KDM4C: variants seen among roughly 807,000 people sequenced by gnomAD.
KDM4C encodes lysine-specific demethylase 4C.
Under a neutral mutation model 129.3 loss-of-function variants are expected in KDM4C, and 81 were observed. That is an observed-to-expected ratio of 0.63 (90% CI 0.52 to 0.75). The LOEUF is 0.75. KDM4C is among the 30% of genes least tolerant of loss of function. The pLI is 0.00. For missense variants in KDM4C, 1,457 were observed against 1,304.0 expected (o/e 1.12, Z -1.81); for synonymous variants, 573 against 456.1 (o/e 1.26, Z -3.26).
At position 7,014,015 on chromosome 9, in the gene KDM4C, TAATTCATC is replaced by T; in HGVS notation, c.2182+18_2182+25del. ...GGGTTCATGCAAGTAAATGGATCTATAATTCATCAATCACTGGCTTTTCAGCATTTCAC... is the reference window on the plus strand; with the variant it reads ...GGGTTCATGCAAGTAAATGGATCTATAATCACTGGCTTTTCAGCATTTCAC... On this transcript the variant is annotated intron_variant, in intron 14 of 21. Transcript: ENST00000381309. 1 of 1,595,172 alleles carries T rather than the reference TAATTCATC, an allele frequency of 6.3e-7. No homozygotes were observed. The highest frequency in any genetic ancestry group is 1.1e-5 in the South Asian group (1 of 89,464).
intron 1 of KDM4C, among the ~76,000 whole-genome samples, chr9:6,774,267 C>G (rs893721400): frequency 6.6e-6 from 1 of 152,152 alleles, no homozygotes. Context: ...CAGTCCTTCA[C>G]CAGGCATGCA....
At chr9:6,885,761 C>T (rs1190344125) in intron 6 of KDM4C, among the ~76,000 whole-genome samples, 2 of 152,084 alleles carry the variant, frequency 1.3e-5, no homozygotes, top group African/African-American at 4.8e-5. Flanking sequence ...ATACTTTGTA[C>T]ATAAGATGCG....
In KDM4C at chr9:7,097,723, C is replaced by A. The variant is rs556194734; in HGVS notation, c.2425-5962C>A. On this transcript the variant is annotated intron_variant, in intron 17 of 21. Coordinates refer to ENST00000381309, the MANE Select transcript of KDM4C (RefSeq NM_015061.6). ...TAAATCTAGTAGTGCTTTATCTTTC[C>A]TATTGTGATTATGGCTGTAAAGCTT... Among the ~76,000 whole-genome samples, 3 of 152,314 alleles carry A rather than the reference C, an allele frequency of 2.0e-5. No individual in the cohort carries two copies. The East Asian group carries it at 5.8e-4, about 29-fold the overall frequency.
rs565193917 is a variant in KDM4C, at chr9:7,047,764, G to A, written c.2315+847G>A. Among the ~76,000 whole-genome samples the A allele has an allele frequency of 2.5e-3, 376 of 152,044 alleles. 1 individual carries two copies. Among genetic ancestry groups the A allele is most frequent in the Non-Finnish European group, 4.2e-3 (288 of 67,934 alleles). On this transcript the variant is annotated intron_variant, in intron 16 of 21. Transcript: ENST00000381309. Reference sequence around the variant, plus strand: ...TTTTCATCTTTAATTGAAAATGATTGTATATCCCTATAAGGCAGTAATAAC... The same window carrying A: ...TTTTCATCTTTAATTGAAAATGATTATATATCCCTATAAGGCAGTAATAAC...
At chr9:6,748,444 T>G (rs1817954679) in intron 1 of KDM4C, among the ~76,000 whole-genome samples, 1 of 151,056 alleles carries the variant, frequency 6.6e-6, no homozygotes, top group Admixed American at 6.6e-5. Flanking sequence ...GAGGTGGAGG[T>G]TGCGGGGAGC....
intron 17 of KDM4C, among the ~76,000 whole-genome samples, chr9:7,075,822 C>G (rs1327231006): frequency 6.8e-6 from 1 of 147,364 alleles, no homozygotes; most frequent in Non-Finnish European, 1.5e-5. Flanking sequence ...TTTTTTTTTT[C>G]TTTTTTTGAG....
At chr9:6,881,074 C>T in intron 6 of KDM4C, among the ~76,000 whole-genome samples, 1 of 152,132 alleles carries the variant, frequency 6.6e-6, no homozygotes, top group East Asian at 1.9e-4. Context: ...GTTAGGTTTG[C>T]CTTCTATTAG....
intron 1 of KDM4C, among the ~76,000 whole-genome samples, chr9:6,729,074 G>A (rs917281181): frequency 6.6e-5 from 10 of 150,814 alleles, no homozygotes; most frequent in Non-Finnish European, 1.2e-4. Context: ...GTGAGGTGGT[G>A]GGTGTCTGTA....
chr9:7,079,144 G>C (rs568199640), intron 17 of KDM4C, among the ~76,000 whole-genome samples: 31 of 152,258 alleles, frequency 2.0e-4, no homozygotes, highest in African/African-American at 7.2e-4. Flanking sequence ...TGTCTGCCAG[G>C]GGCCAACCTT....
chr9:6,857,705 A>T (rs2130357848), intron 5 of KDM4C, among the ~76,000 whole-genome samples: 1 of 152,116 alleles, frequency 6.6e-6, no homozygotes, highest in East Asian at 1.9e-4. Flanking sequence ...TAATCCTAAT[A>T]ATGTCAGTCA....
rs550389880 is a variant in KDM4C, at chr9:6,871,130, G to A, written c.630-8882G>A. Among the ~76,000 whole-genome samples, 10 of 152,368 alleles carry A rather than the reference G, an allele frequency of 6.6e-5. No homozygotes were observed. In the East Asian group the frequency reaches 1.7e-3, roughly 26 times the overall value. Reference sequence around the variant, plus strand: ...TTTGAGGGAGTGATCTGAGAAGTAGGAGTTAGTCTTTGAGAAGTACTGGTA... The same window carrying A: ...TTTGAGGGAGTGATCTGAGAAGTAGAAGTTAGTCTTTGAGAAGTACTGGTA... On this transcript the variant is annotated intron_variant, in intron 5 of 21. Transcript: ENST00000381309.
At chr9:6,988,188 A>G (rs1271760754) in intron 11 of KDM4C, among the ~76,000 whole-genome samples, 1 of 151,348 alleles carries the variant, frequency 6.6e-6, no homozygotes, top group Admixed American at 6.6e-5. Flanking sequence ...AAAAAAAGGA[A>G]AAAAAATTTG....
intron 8 of KDM4C, among the ~76,000 whole-genome samples, chr9:6,947,650 T>C (rs1344624150): frequency 6.6e-6 from 1 of 152,160 alleles, no homozygotes; most frequent in African/African-American, 2.4e-5. Flanking sequence ...TCTAGGTCCT[T>C]GAATTTCAAA....
intron 15 of KDM4C, among the ~76,000 whole-genome samples, chr9:7,022,944 C>G (rs1187848029): frequency 6.6e-6 from 1 of 152,102 alleles, no homozygotes; most frequent in African/African-American, 2.4e-5. Flanking sequence ...TATGATGTAT[C>G]ACATTGATTG....
intron 8 of KDM4C, among the ~76,000 whole-genome samples, chr9:6,957,022 C>T (rs950921804): frequency 2.6e-5 from 4 of 152,066 alleles, no homozygotes; most frequent in South Asian, 2.1e-4. Flanking sequence ...CATTTGGTTA[C>T]GATGGACAAG....
chr9:6,991,641 A>G (rs1818766711), intron 12 of KDM4C, among the ~76,000 whole-genome samples: 1 of 152,228 alleles, frequency 6.6e-6, no homozygotes, highest in Admixed American at 6.5e-5. Flanking sequence ...CAAGAAGCTC[A>G]AGTTTCTTGT....
intron 17 of KDM4C, among the ~76,000 whole-genome samples, chr9:7,073,527 A>C (rs1198098111): frequency 6.6e-6 from 1 of 152,218 alleles, no homozygotes; most frequent in African/African-American, 2.4e-5. Context: ...GAGGCTGAAA[A>C]CAAACATGGA....
rs139472458 is a variant in KDM4C, at chr9:6,769,148, C to A, written c.-18+10945C>A. 4.0e-5 allele frequency among the ~76,000 whole-genome samples: 6 copies of A among 151,436 alleles called. No individual in the cohort carries two copies. The East Asian group carries it at 7.7e-4, about 20-fold the overall frequency. On this transcript the variant is annotated intron_variant, in intron 1 of 21. Transcript: ENST00000381309. Reference sequence around the variant, plus strand: ...AAGCTGGTTTGCAGTTTTCTTGGGTCGTTTTTAAGTTTTGTTACTCATTTT... The same window carrying A: ...AAGCTGGTTTGCAGTTTTCTTGGGTAGTTTTTAAGTTTTGTTACTCATTTT...
chr9:7,116,675 C>T (rs751929108), intron 18 of KDM4C, among the ~76,000 whole-genome samples: 1 of 152,130 alleles, frequency 6.6e-6, no homozygotes, highest in African/African-American at 2.4e-5. Flanking sequence ...GTAACATTGG[C>T]GAGGTAGGCA....
Sources: allele counts gnomAD v4.1 joint callset (sites outside exome capture counted in the v4.1 genomes callset), GRCh38; gene constraint gnomAD v4.1.1; transcripts MANE v1.5; gene names NCBI Gene and HGNC (gene_info 2026-07-23, HGNC 2026-07-21).